MRPS35: variants seen among roughly 807,000 people sequenced by gnomAD.
The protein encoded by MRPS35 is mitochondrial ribosomal protein S35, also known as small ribosomal subunit protein mS35.
Under a neutral mutation model 32.7 loss-of-function variants are expected in MRPS35, and 29 were observed. The ratio of observed to expected loss-of-function variants is 0.89; its 90% CI spans 0.66 to 1.21. The LOEUF (loss-of-function observed/expected upper bound fraction) is 1.21. Among genes scored for constraint, MRPS35 ranks in the 50% most tolerant of loss-of-function variants. The probability of loss-of-function intolerance (pLI) is 0.00; values close to 1 mark genes in which losing one functional copy is unlikely to be tolerated. For missense variants in MRPS35, 373 were observed against 383.8 expected, an observed-to-expected ratio of 0.97 and a Z score of 0.23; for synonymous variants, 148 against 139.3, an observed-to-expected ratio of 1.06 and a Z score of -0.44.
intron 5 of MRPS35, among the ~76,000 whole-genome samples, chr12:27,733,088 T>C (rs1295021065): frequency 1.4e-5 from 2 of 142,802 alleles, no homozygotes; most frequent in Non-Finnish European, 3.0e-5. Context: ...TTGGGGATAA[T>C]GTTAACAGTA....
chr12:27,753,903 C>T lies in MRPS35; in HGVS notation c.703-1278C>T, dbSNP rs188478857. On this transcript the variant is annotated intron_variant, in intron 7 of 7. Coordinates refer to ENST00000081029, the MANE Select transcript of MRPS35 (RefSeq NM_021821.4). ...TGGTAATAATTTTTGTAAGAAAAAACGAGTAGTAACAAAACATTGTTCACA... is the reference window on the plus strand; with the variant it reads ...TGGTAATAATTTTTGTAAGAAAAAATGAGTAGTAACAAAACATTGTTCACA... Among the ~76,000 whole-genome samples, 254 of 152,184 alleles carry T rather than the reference C, an allele frequency of 1.7e-3. 1 individual carries two copies. Among genetic ancestry groups the T allele is most frequent in the Non-Finnish European group, 3.2e-3 (218 of 68,014 alleles).
At chr12:27,730,508 G>A (rs1057263363) in intron 5 of MRPS35, among the ~76,000 whole-genome samples, 1 of 152,170 alleles carries the variant, frequency 6.6e-6, no homozygotes, top group Non-Finnish European at 1.5e-5. Context: ...GAGTGCAGTG[G>A]CACAAGCACG....
At chr12:27,737,895 G>A (rs2061948847) in intron 7 of MRPS35, among the ~76,000 whole-genome samples, 1 of 152,098 alleles carries the variant, frequency 6.6e-6, no homozygotes, top group African/African-American at 2.4e-5. Context: ...GGTGAAAGTT[G>A]TCAGCTATGA....
At chr12:27,745,513 A>G (rs151280057) in intron 7 of MRPS35, among the ~76,000 whole-genome samples, 6 of 152,248 alleles carry the variant, frequency 3.9e-5, no homozygotes, top group Admixed American at 1.3e-4. Context: ...TTGAAAATTC[A>G]TCTATCTCCA....
chr12:27,714,635 A>T, intron 1 of MRPS35, 145 bp from the exon 2 acceptor site: 1 of 155,812 alleles, frequency 6.4e-6, no homozygotes, highest in Non-Finnish European at 1.2e-5. Context: ...TGAGCTTACC[A>T]AAAAAAAAAA....
chr12:27,731,758 G>A (rs1219996061), intron 5 of MRPS35, among the ~76,000 whole-genome samples: 1 of 152,014 alleles, frequency 6.6e-6, no homozygotes, highest in Admixed American at 6.6e-5. Context: ...TAGTAGAGAT[G>A]GGGTTTCACC....
At chr12:27,748,440 T>TGTGTG (rs2061988677) in intron 7 of MRPS35, among the ~76,000 whole-genome samples, 1 of 92,992 alleles carries the variant, frequency 1.1e-5, no homozygotes, top group South Asian at 3.1e-4. Flanking sequence ...AGAAAAGTGG[T>TGTGTG]GTGTGTGTGT....
At chr12:27,719,691 AC>A in intron 3 of MRPS35, 116 bp from the exon 4 acceptor site, 1 of 678,744 alleles carries the variant, frequency 1.5e-6, no homozygotes, top group Non-Finnish European at 2.4e-6. Context: ...AAAAAAACAA[AC>A]AGATTTTATT....
intron 7 of MRPS35, among the ~76,000 whole-genome samples, chr12:27,747,959 C>T (rs912622263): frequency 6.6e-6 from 1 of 152,206 alleles, no homozygotes; most frequent in Non-Finnish European, 1.5e-5. Flanking sequence ...TGGGCTTCAG[C>T]TGCCTGATCT....
chr12:27,750,948 C>G (rs983286547), intron 7 of MRPS35, among the ~76,000 whole-genome samples: 22 of 151,582 alleles, frequency 1.5e-4, no homozygotes, highest in African/African-American at 4.6e-4. Context: ...ACTAAAAATA[C>G]AAAAATTAGC....
intron 7 of MRPS35, chr12:27,753,115 A>C (rs1463985427): frequency 6.6e-6 from 1 of 152,188 alleles, no homozygotes; most frequent in African/African-American, 2.4e-5. Flanking sequence ...TTTCTAGAAC[A>C]TATGCTGAGA....
Position 27,719,779 on chromosome 12 carries a change from AATTTATCTTTTAAATTTCTCTATTTAAG to A in MRPS35, c.322-25_324del. 7.2e-7 allele frequency: 1 copy of A among 1,396,134 alleles called. No homozygotes were observed. Among genetic ancestry groups the A allele is most frequent in the Non-Finnish European group, 1.0e-6 (1 of 990,568 alleles). 86.5% of individuals were successfully genotyped at this position (1,396,134 alleles called of 1,614,324 possible). A position where few individuals can be genotyped will look rare whatever the true frequency, so the allele number is the denominator to read the frequency against. On this transcript the variant is annotated splice_acceptor_variant and splice_polypyrimidine_tract_variant and intron_variant, in intron 3 of 7. Transcript: ENST00000081029. LOFTEE classifies it high-confidence loss of function. ...TTTCATGTTTTTAAGACATTTAGCT[AATTTATCTTTTAAATTTCTCTATTTAAG>A]ATTCCCAATTTTCTGCATTTGACTC...
In MRPS35 at chr12:27,714,876, C is replaced by T. The variant is rs1555254941; in HGVS notation, c.153+56C>T. 60 of 1,461,580 alleles carry T rather than the reference C, an allele frequency of 4.1e-5. No homozygotes were observed. The South Asian group carries it at 5.9e-4, about 14-fold the overall frequency. 90.5% of individuals were successfully genotyped at this position (1,461,580 alleles called of 1,614,324 possible). Reference sequence around the variant, plus strand: ...TGGTTTCTGGAGTTCTAAAATGAGGCAGATATTCATTATAAGGCAGAAGGG... The same window carrying T: ...TGGTTTCTGGAGTTCTAAAATGAGGTAGATATTCATTATAAGGCAGAAGGG... On this transcript the variant is annotated intron_variant, in intron 2 of 7. Coordinates refer to ENST00000081029, the MANE Select transcript of MRPS35 (RefSeq NM_021821.4).
intron 7 of MRPS35, among the ~76,000 whole-genome samples, chr12:27,752,077 C>CA (rs1229016856): frequency 3.1e-4 from 23 of 74,276 alleles, no homozygotes; most frequent in South Asian, 1.0e-3. Context: ...CCTGTCTCTA[C>CA]AAAAAAAAAA....
chr12:27,711,642 C>A (rs1200526229), intron 1 of MRPS35, among the ~76,000 whole-genome samples: 3 of 151,950 alleles, frequency 2.0e-5, no homozygotes, highest in Non-Finnish European at 4.4e-5. Context: ...ATACTACCAA[C>A]TATCTAGTTC....
At chr12:27,727,402 T>C (rs1024396392) in intron 5 of MRPS35, among the ~76,000 whole-genome samples, 1 of 152,168 alleles carries the variant, frequency 6.6e-6, no homozygotes, top group African/African-American at 2.4e-5. Context: ...TGTTTAGATA[T>C]GTTTAAATAC....
chr12:27,747,277 T>G (rs1380326257), intron 7 of MRPS35, among the ~76,000 whole-genome samples: 1 of 152,244 alleles, frequency 6.6e-6, no homozygotes, highest in African/African-American at 2.4e-5. Flanking sequence ...CTCTGTTTCC[T>G]GCCCATCTGT....
intron 1 of MRPS35, among the ~76,000 whole-genome samples, chr12:27,711,628 C>G (rs1221028747): frequency 2.0e-5 from 3 of 151,980 alleles, no homozygotes; most frequent in African/African-American, 7.3e-5. Flanking sequence ...AATTTACTCT[C>G]CTCATACTAC....
chr12:27,728,079 C>G (rs1024496538), intron 5 of MRPS35, among the ~76,000 whole-genome samples: 2 of 152,002 alleles, frequency 1.3e-5, no homozygotes, highest in African/African-American at 2.4e-5. Flanking sequence ...AAATGTGGAG[C>G]CCGTGGAGAC....
Sources: allele counts gnomAD v4.1 joint callset (sites outside exome capture counted in the v4.1 genomes callset), GRCh38; gene constraint gnomAD v4.1.1; transcripts MANE v1.5; gene names NCBI Gene and HGNC (gene_info 2026-07-23, HGNC 2026-07-21).